LRRC4C: variants seen among roughly 807,000 people sequenced by gnomAD.
LRRC4C encodes leucine rich repeat containing 4C.
LRRC4C carries 5 observed loss-of-function variants against 33.6 expected under a neutral mutation model. That is an observed-to-expected ratio of 0.15 (90% CI 0.08 to 0.31). LRRC4C has a LOEUF of 0.31. Ranked by LOEUF, LRRC4C falls within the 10% of genes least tolerant of loss-of-function variation. LRRC4C has a pLI of 1.00. For missense variants in LRRC4C, 560 were observed against 796.7 expected (o/e 0.70, Z 3.58); for synonymous variants, 329 against 302.0 (o/e 1.09, Z -0.93).
At chr11:40,655,337 C>T (rs1943047252) in intron 2 of LRRC4C, among the ~76,000 whole-genome samples, 1 of 152,130 alleles carries the variant, frequency 6.6e-6, no homozygotes. Flanking sequence ...GATCAAGTGC[C>T]ATTGTGGCTG....
At chr11:41,289,240 T>C (rs1029583531) in intron 1 of LRRC4C, among the ~76,000 whole-genome samples, 6 of 152,194 alleles carry the variant, frequency 3.9e-5, no homozygotes, top group African/African-American at 1.2e-4. Flanking sequence ...TAATTTCTTA[T>C]AGACGAAGAA....
chr11:41,319,933 T>C (rs1950907655), intron 1 of LRRC4C, among the ~76,000 whole-genome samples: 1 of 152,044 alleles, frequency 6.6e-6, no homozygotes, highest in Admixed American at 6.6e-5. Flanking sequence ...TGTGTTTTAA[T>C]ATAGAAACTA....
intron 2 of LRRC4C, among the ~76,000 whole-genome samples, chr11:40,847,218 T>A (rs1953226048): frequency 6.6e-6 from 1 of 152,196 alleles, no homozygotes; most frequent in Non-Finnish European, 1.5e-5. Flanking sequence ...CATCCTTGTC[T>A]TGTGCCAGTT....
intron 3 of LRRC4C, among the ~76,000 whole-genome samples, chr11:40,584,206 G>A (rs1284558364): frequency 2.4e-3 from 101 of 42,684 alleles, no homozygotes; most frequent in East Asian, 0.011. Context: ...ATATATATAT[G>A]AACTCTTTGT....
At chr11:40,139,384 C>T (rs575900826) in intron 6 of LRRC4C, among the ~76,000 whole-genome samples, 53 of 152,312 alleles carry the variant, frequency 3.5e-4, no homozygotes, top group Admixed American at 3.1e-3. Flanking sequence ...AGGGACAATA[C>T]TATCATCATA....
intron 5 of LRRC4C, among the ~76,000 whole-genome samples, chr11:40,210,301 A>AG (rs111309392): frequency 0.068 from 10,375 of 152,118 alleles, 1,180 homozygotes; most frequent in African/African-American, 0.23. Context: ...TGGATATGCA[A>AG]TATAAAGTTT....
chr11:40,744,590 C>A (rs1250403161), intron 2 of LRRC4C, among the ~76,000 whole-genome samples: 1 of 152,116 alleles, frequency 6.6e-6, no homozygotes, highest in East Asian at 1.9e-4. Flanking sequence ...ATTTTGCTTA[C>A]CATAGTATCC....
chr11:41,304,958 G>A lies in LRRC4C; in HGVS notation c.-496+154473C>T, dbSNP rs1296450902. Among the ~76,000 whole-genome samples, 25 of 123,354 alleles carry A rather than the reference G, an allele frequency of 2.0e-4. 1 individual carries two copies. Among genetic ancestry groups the A allele is most frequent in the Non-Finnish European group, 3.8e-4 (22 of 57,456 alleles). The allele number at this position is 123,354 out of a possible 152,430, so 80.9% of individuals were successfully genotyped here. Reference sequence around the variant, plus strand: ...CCTGCTGGGCCAGCCGCCCCGTCCGGGAGGTGAGGGGCGCCTCTGCCCGGC... The same window carrying A: ...CCTGCTGGGCCAGCCGCCCCGTCCGAGAGGTGAGGGGCGCCTCTGCCCGGC... On this transcript the variant is annotated intron_variant, in intron 1 of 6. Transcript: ENST00000528697.
At chr11:41,409,873 A>G (rs1201405235) in intron 1 of LRRC4C, among the ~76,000 whole-genome samples, 1 of 152,200 alleles carries the variant, frequency 6.6e-6, no homozygotes, top group African/African-American at 2.4e-5. Flanking sequence ...TGACTGCCAC[A>G]CCAAGTCATA....
At chr11:40,392,201 G>A (rs575638309) in intron 3 of LRRC4C, among the ~76,000 whole-genome samples, 59 of 152,168 alleles carry the variant, frequency 3.9e-4, no homozygotes, top group Middle Eastern at 3.4e-3. Context: ...GGAATTTAGG[G>A]CAGTGAAACT....
chr11:40,816,936 T>C (rs1251360295), intron 2 of LRRC4C, among the ~76,000 whole-genome samples: 2 of 152,102 alleles, frequency 1.3e-5, no homozygotes, highest in Non-Finnish European at 2.9e-5. Context: ...ACAATAGATA[T>C]CTATAACGTA....
rs190368182 is a variant in LRRC4C at position 40,569,771 on chromosome 11, A to C, written c.-270+78371T>G. On this transcript the variant is annotated intron_variant, in intron 3 of 6. Coordinates refer to ENST00000528697, the MANE Select transcript of LRRC4C (RefSeq NM_001258419.2). Reference sequence around the variant, plus strand: ...AGGATTAAATGAAAAACGGACCTCTATTTTTATTTTATTCCTGCTAATGGA... The same window carrying C: ...AGGATTAAATGAAAAACGGACCTCTCTTTTTATTTTATTCCTGCTAATGGA... 2.9e-4 allele frequency among the ~76,000 whole-genome samples: 44 copies of C among 152,222 alleles called. No homozygotes were observed. The East Asian group carries it at 7.7e-3, about 27-fold the overall frequency.
At chr11:40,437,832 C>T (rs757234252) in intron 3 of LRRC4C, among the ~76,000 whole-genome samples, 6 of 152,142 alleles carry the variant, frequency 3.9e-5, no homozygotes, top group East Asian at 3.9e-4. Flanking sequence ...CTCAGCCTCC[C>T]GAGTAGCTGG....
At chr11:41,034,026 G>A (rs1465751812) in intron 1 of LRRC4C, among the ~76,000 whole-genome samples, 1 of 151,944 alleles carries the variant, frequency 6.6e-6, no homozygotes, top group Non-Finnish European at 1.5e-5. Context: ...TTTTATTTTA[G>A]CATTAATAAA....
intron 1 of LRRC4C, among the ~76,000 whole-genome samples, chr11:41,121,885 A>G (rs2135768860): frequency 6.6e-6 from 1 of 152,154 alleles, no homozygotes; most frequent in South Asian, 2.1e-4. Flanking sequence ...ATTCCAGGAG[A>G]GTCTGCCTGA....
At chr11:40,828,107 C>A (rs961943423) in intron 2 of LRRC4C, among the ~76,000 whole-genome samples, 2 of 150,558 alleles carry the variant, frequency 1.3e-5, no homozygotes, top group African/African-American at 4.9e-5. Flanking sequence ...TATACTTGAA[C>A]AAAACGATAT....
intron 2 of LRRC4C, among the ~76,000 whole-genome samples, chr11:40,873,122 G>A (rs1209916547): frequency 6.6e-6 from 1 of 152,148 alleles, no homozygotes; most frequent in Admixed American, 6.6e-5. Context: ...AAAGACCTGG[G>A]TTCAAATTCT....
At chr11:40,697,325 T>C (rs1186241439) in intron 2 of LRRC4C, among the ~76,000 whole-genome samples, 3 of 152,148 alleles carry the variant, frequency 2.0e-5, no homozygotes, top group Non-Finnish European at 2.9e-5. Flanking sequence ...TAGGGAGTAA[T>C]GGGAGACTCA....
intron 3 of LRRC4C, among the ~76,000 whole-genome samples, chr11:40,372,638 C>A (rs919293603): frequency 1.3e-5 from 2 of 152,046 alleles, no homozygotes; most frequent in East Asian, 3.9e-4. Flanking sequence ...CAGCTAACAC[C>A]CCAGTCATCC....
Sources: gnomAD v4.1 joint callset for allele counts (sites outside exome capture counted in the v4.1 genomes callset) on GRCh38, gnomAD v4.1.1 for gene constraint, MANE v1.5 for transcripts, NCBI Gene and HGNC (gene_info 2026-07-23, HGNC 2026-07-21) for gene names.